Variants in PTPRT observed in about 807,000 individuals in gnomAD.
PTPRT encodes receptor-type tyrosine-protein phosphatase T.
In PTPRT, 56 loss-of-function variants were observed where a neutral mutation model predicts 176.8. That is an observed-to-expected ratio of 0.32 (90% confidence interval 0.26 to 0.40). The LOEUF is 0.40. Ranked by LOEUF, PTPRT falls within the 10% of genes least tolerant of loss-of-function variation. The pLI is 1.00. For synonymous variants in PTPRT, 783 were observed against 739.0 expected, an observed-to-expected ratio of 1.06 and a Z score of -0.96; for missense variants, 1,540 against 1,908.2, an observed-to-expected ratio of 0.81 and a Z score of 3.60.
intron 1 of PTPRT, among the ~76,000 whole-genome samples, chr20:42,941,874 T>C (rs1600578095): frequency 6.6e-6 from 1 of 152,170 alleles, no homozygotes; most frequent in Non-Finnish European, 1.5e-5. Context: ...CAACATGATA[T>C]TGGGCATGAC....
intron 1 of PTPRT, among the ~76,000 whole-genome samples, chr20:42,967,896 A>G (rs1280796029): frequency 6.6e-6 from 1 of 152,084 alleles, no homozygotes; most frequent in African/African-American, 2.4e-5. Context: ...ACTTCACTCA[A>G]TGCTGGCAAC....
At chr20:42,706,369 C>T (rs939819575) in intron 6 of PTPRT, among the ~76,000 whole-genome samples, 7 of 152,012 alleles carry the variant, frequency 4.6e-5, no homozygotes, top group Non-Finnish European at 1.5e-5. Context: ...CAACCAATTC[C>T]CTACATTAAA....
At chr20:42,411,697 T>C (rs2145739308) in intron 9 of PTPRT, among the ~76,000 whole-genome samples, 1 of 152,198 alleles carries the variant, frequency 6.6e-6, no homozygotes, top group African/African-American at 2.4e-5. Flanking sequence ...TAGAAGCACT[T>C]AATGCCAATA....
the PTPRT span, among the ~76,000 whole-genome samples, chr20:42,066,736 T>A: frequency 6.6e-6 from 1 of 152,214 alleles, no homozygotes; most frequent in African/African-American, 2.4e-5. Flanking sequence ...ATCAAGATTT[T>A]AAAATTTACT....
At chr20:42,403,745 C>T (rs2058933328) in intron 9 of PTPRT, among the ~76,000 whole-genome samples, 1 of 152,134 alleles carries the variant, frequency 6.6e-6, no homozygotes, top group Non-Finnish European at 1.5e-5. Context: ...CTCACCTCCA[C>T]TCTTCTTCTC....
intron 9 of PTPRT, among the ~76,000 whole-genome samples, chr20:42,388,456 G>C (rs1038786299): frequency 1.6e-4 from 24 of 152,172 alleles, no homozygotes; most frequent in African/African-American, 5.3e-4. Flanking sequence ...CCATCAAAAA[G>C]TGAGCAAGGG....
chr20:42,976,778 G>A (rs1305655689), intron 1 of PTPRT, among the ~76,000 whole-genome samples: 2 of 152,132 alleles, frequency 1.3e-5, no homozygotes, highest in Admixed American at 6.6e-5. Flanking sequence ...ATGCTTAAAG[G>A]CTCTTGATAT....
chr20:43,177,940 C>T (rs951100939), intron 1 of PTPRT, among the ~76,000 whole-genome samples: 1 of 152,168 alleles, frequency 6.6e-6, no homozygotes, highest in Admixed American at 6.5e-5. Flanking sequence ...AAATATTTTC[C>T]TACTTGGAAC....
chr20:42,503,446 G>A (rs548252571), intron 7 of PTPRT, among the ~76,000 whole-genome samples: 76 of 152,008 alleles, frequency 5.0e-4, no homozygotes, highest in African/African-American at 1.8e-3. Context: ...CTATTTTGTA[G>A]GAGTGCTTTC....
At chr20:43,045,597 G>C (rs1361881225) in intron 1 of PTPRT, among the ~76,000 whole-genome samples, 3 of 150,588 alleles carry the variant, frequency 2.0e-5, no homozygotes, top group Non-Finnish European at 4.4e-5. Context: ...AGGACTACAA[G>C]GCATGCACCA....
chr20:42,923,555 C>T (rs1004152416), intron 1 of PTPRT, among the ~76,000 whole-genome samples: 1 of 152,214 alleles, frequency 6.6e-6, no homozygotes, highest in African/African-American at 2.4e-5. Context: ...ACTTTTCACA[C>T]GTATCTTCTC....
At chr20:42,892,121 A>G (rs2079203643) in intron 1 of PTPRT, among the ~76,000 whole-genome samples, 1 of 152,252 alleles carries the variant, frequency 6.6e-6, no homozygotes, top group African/African-American at 2.4e-5. Context: ...AAAACTTGTC[A>G]TCAGAGCTCC....
chr20:42,630,701 G>A (rs1279196128), intron 7 of PTPRT, among the ~76,000 whole-genome samples: 1 of 152,096 alleles, frequency 6.6e-6, no homozygotes, highest in Non-Finnish European at 1.5e-5. Flanking sequence ...GATACACAGG[G>A]AAAGAAACAG....
At chr20:42,616,172 C>A (rs2074073574) in intron 7 of PTPRT, among the ~76,000 whole-genome samples, 1 of 124,604 alleles carries the variant, frequency 8.0e-6, no homozygotes, top group Non-Finnish European at 1.6e-5. Context: ...CCAGTTTTCC[C>A]AGCACCATTT....
chr20:42,754,224 C>A (rs764282432), intron 6 of PTPRT, among the ~76,000 whole-genome samples: 1 of 152,128 alleles, frequency 6.6e-6, no homozygotes, highest in Admixed American at 6.5e-5. Flanking sequence ...CTCGCTCAGC[C>A]GCCCAGGCTG....
intron 2 of PTPRT, among the ~76,000 whole-genome samples, chr20:42,850,137 G>T (rs2078443064): frequency 6.6e-6 from 1 of 152,144 alleles, no homozygotes; most frequent in Non-Finnish European, 1.5e-5. Flanking sequence ...ATCAAAGCAA[G>T]TTCCCCCCTT....
chr20:42,786,712 A>C (rs1187255151), intron 3 of PTPRT, among the ~76,000 whole-genome samples: 1 of 152,110 alleles, frequency 6.6e-6, no homozygotes, highest in African/African-American at 2.4e-5. Context: ...CCCATCCTGT[A>C]CCCATTTGTG....
chr20:42,657,318 G>C (rs1237585643), intron 7 of PTPRT, among the ~76,000 whole-genome samples: 1 of 152,056 alleles, frequency 6.6e-6, no homozygotes, highest in East Asian at 1.9e-4. Context: ...ATACACCAAG[G>C]GGACCCTTTG....
intron 2 of PTPRT, among the ~76,000 whole-genome samples, chr20:42,804,551 C>A (rs1466414997): frequency 6.6e-6 from 1 of 152,206 alleles, no homozygotes; most frequent in Non-Finnish European, 1.5e-5. Flanking sequence ...GCCAGGGAAG[C>A]AATGAGCTGA....
Sources: gnomAD v4.1 joint callset for allele counts (sites outside exome capture counted in the v4.1 genomes callset) on GRCh38, gnomAD v4.1.1 for gene constraint, MANE v1.5 for transcripts, NCBI Gene and HGNC (gene_info 2026-07-23, HGNC 2026-07-21) for gene names.